Variants in PDE1A observed in about 807,000 individuals in gnomAD.
PDE1A encodes phosphodiesterase 1A.
Under a neutral mutation model 61.7 loss-of-function variants are expected in PDE1A, and 35 were observed. That is an observed-to-expected ratio of 0.57 (90% confidence interval 0.43 to 0.75). The LOEUF is 0.75. Among genes scored for constraint, PDE1A ranks in the 30% least tolerant of loss-of-function variants. The pLI, the probability that PDE1A is intolerant of heterozygous loss-of-function variation, is 0.00. For synonymous variants in PDE1A, 232 were observed against 213.2 expected, an observed-to-expected ratio of 1.09 and a Z score of -0.77; for missense variants, 597 against 630.6, an observed-to-expected ratio of 0.95 and a Z score of 0.57.
chr2:182,617,319 G>A, the PDE1A span, among the ~76,000 whole-genome samples: 1 of 152,134 alleles, frequency 6.6e-6, no homozygotes, highest in East Asian at 1.9e-4. Flanking sequence ...CCCCACACAT[G>A]TTGTCACACA....
chr2:182,192,858 C>T (rs187718766), intron 10 of PDE1A, among the ~76,000 whole-genome samples: 1 of 152,094 alleles, frequency 6.6e-6, no homozygotes, highest in East Asian at 1.9e-4. Flanking sequence ...GCCTTCCTAC[C>T]ATTGTAAAGT....
chr2:182,526,144 T>C (rs1350502506), upstream of PDE1A, among the ~76,000 whole-genome samples: 1 of 152,126 alleles, frequency 6.6e-6, no homozygotes, highest in Admixed American at 6.6e-5. Context: ...GTACATTATG[T>C]TTTCACTGAC....
chr2:182,456,803 G>A (rs73045453), intron 2 of PDE1A, among the ~76,000 whole-genome samples: 2,806 of 152,178 alleles, frequency 0.018, 89 homozygotes, highest in African/African-American at 0.064. Flanking sequence ...AAAAATGTGC[G>A]TGTGTGTTTA....
chr2:182,498,045 CAAAAAA>C lies in PDE1A; in HGVS notation c.101+24225_101+24230del, dbSNP rs57707793. Reference sequence around the variant, plus strand: ...TGTGCGACAGAGCGAGATTGCGTCTCAAAAAAAAAAAAAAAAAAAAAAAAAAGACTG... The same window carrying C: ...TGTGCGACAGAGCGAGATTGCGTCTCAAAAAAAAAAAAAAAAAAAAGACTG... On this transcript the variant is annotated intron_variant, in intron 2 of 14. Coordinates refer to the PDE1A transcript ENST00000410103. Among the ~76,000 whole-genome samples the C allele has an allele frequency of 3.7e-3, 239 of 64,328 alleles. 2 individuals are homozygous for C. Among genetic ancestry groups the C allele is most frequent in the African/African-American group, 0.014 (229 of 16,666 alleles). 42.2% of individuals were successfully genotyped at this position (64,328 alleles called of 152,430 possible).
At chr2:182,515,927 C>T (rs1055774035) in intron 2 of PDE1A, among the ~76,000 whole-genome samples, 1 of 148,398 alleles carries the variant, frequency 6.7e-6, no homozygotes, top group African/African-American at 2.5e-5. Flanking sequence ...GGCTTCACCA[C>T]TAGGGATTGT....
At chr2:182,143,353 AAAAT>A (rs1385995839), downstream of PDE1A, among the ~76,000 whole-genome samples, 7 of 152,164 alleles carry the variant, frequency 4.6e-5, no homozygotes, top group East Asian at 7.7e-4. Context: ...TGTGAATTTA[AAAAT>A]AAATAAATAA....
At chr2:182,569,913 G>A in the PDE1A span, among the ~76,000 whole-genome samples, 110 of 152,256 alleles carry the variant, frequency 7.2e-4, no homozygotes, top group African/African-American at 2.6e-3. Context: ...CTTCTTAAGT[G>A]TTTTCCAACT....
intron 2 of PDE1A, among the ~76,000 whole-genome samples, chr2:182,246,578 T>G (rs1363722970): frequency 1.3e-5 from 2 of 151,824 alleles, no homozygotes; most frequent in East Asian, 3.9e-4. Context: ...ATTTTTTGTA[T>G]TTTTAGTAGA....
At chr2:182,516,420 G>C (rs1014182636) in intron 2 of PDE1A, among the ~76,000 whole-genome samples, 5 of 152,022 alleles carry the variant, frequency 3.3e-5, no homozygotes, top group Non-Finnish European at 5.9e-5. Context: ...GGAGGCTGAG[G>C]TCAGCGAATC....
chr2:182,399,037 C>T (rs1225846802), intron 1 of PDE1A, among the ~76,000 whole-genome samples: 3 of 151,804 alleles, frequency 2.0e-5, no homozygotes, highest in Non-Finnish European at 2.9e-5. Flanking sequence ...ATTTTGATGA[C>T]CGTCAAGGAT....
At chr2:182,665,494 T>C in the PDE1A span, among the ~76,000 whole-genome samples, 2 of 152,054 alleles carry the variant, frequency 1.3e-5, no homozygotes, top group Non-Finnish European at 2.9e-5. Context: ...ATTAGAGAAA[T>C]GCAAATCAAA....
the PDE1A span, among the ~76,000 whole-genome samples, chr2:182,598,811 G>A: frequency 0.17 from 25,696 of 152,082 alleles, 2,533 homozygotes; most frequent in African/African-American, 0.27. Context: ...CTATTACTGC[G>A]TAACAAATAA....
the PDE1A span, among the ~76,000 whole-genome samples, chr2:182,529,411 C>T: frequency 1.3e-5 from 2 of 152,278 alleles, no homozygotes; most frequent in South Asian, 4.1e-4. Context: ...ATGCCCATAC[C>T]CCCATCATAT....
intron 1 of PDE1A, among the ~76,000 whole-genome samples, chr2:182,266,068 GACAC>G (rs1304293899): frequency 1.3e-5 from 2 of 152,158 alleles, no homozygotes; most frequent in East Asian, 3.9e-4. Context: ...GGAAAAAAAA[GACAC>G]ACCTAAATGA....
intron 2 of PDE1A, 44 bp downstream of exon 2, chr2:182,264,257 G>T: frequency 7.6e-7 from 1 of 1,311,332 alleles, no homozygotes; most frequent in Non-Finnish European, 1.1e-6. Context: ...AAGAAAAACG[G>T]GAGAGAATCA....
chr2:182,244,826 C>G (rs1690830535), intron 2 of PDE1A, among the ~76,000 whole-genome samples: 1 of 152,166 alleles, frequency 6.6e-6, no homozygotes, highest in South Asian at 2.1e-4. Flanking sequence ...AGAATGTGTA[C>G]AGCAGAAAAG....
At chr2:182,701,250 T>A in the PDE1A span, among the ~76,000 whole-genome samples, 1 of 151,984 alleles carries the variant, frequency 6.6e-6, no homozygotes, top group Admixed American at 6.6e-5. Flanking sequence ...TTAGCCAGGA[T>A]GGTCTCGATC....
At chr2:182,697,494 G>T in the PDE1A span, among the ~76,000 whole-genome samples, 2 of 152,134 alleles carry the variant, frequency 1.3e-5, no homozygotes, top group Non-Finnish European at 2.9e-5. Context: ...TTCCCCAGGG[G>T]AGGAGAAGTG....
chr2:182,430,094 C>T (rs879751925), upstream of PDE1A, among the ~76,000 whole-genome samples: 2 of 152,072 alleles, frequency 1.3e-5, no homozygotes, highest in Non-Finnish European at 2.9e-5. Flanking sequence ...TTTACCATGA[C>T]ACATATATGA....
Sources: gnomAD v4.1 joint callset for allele counts (sites outside exome capture counted in the v4.1 genomes callset) on GRCh38, gnomAD v4.1.1 for gene constraint, MANE v1.5 for transcripts, NCBI Gene and HGNC (gene_info 2026-07-23, HGNC 2026-07-21) for gene names.